RAP1GAP2: variants seen among roughly 807,000 people sequenced by gnomAD.
RAP1GAP2 encodes the protein rap1 GTPase-activating protein 2.
A neutral mutation model predicts 95.0 loss-of-function variants in RAP1GAP2; 27 were observed. The ratio of observed to expected loss-of-function variants is 0.28; its 90% CI spans 0.21 to 0.39. The LOEUF is 0.39. Among genes scored for constraint, RAP1GAP2 ranks in the 10% least tolerant of loss-of-function variants. The pLI is 1.00. For synonymous variants in RAP1GAP2, 373 were observed against 380.9 expected (o/e 0.98, Z 0.24); for missense variants, 771 against 970.0 (o/e 0.79, Z 2.72).
chr17:2,822,041 G>C (rs939383167), intron 2 of RAP1GAP2, among the ~76,000 whole-genome samples: 2 of 152,140 alleles, frequency 1.3e-5, no homozygotes, highest in African/African-American at 4.8e-5. Context: ...CGGCAAGCTG[G>C]TGTCTGGGGC....
intron 2 of RAP1GAP2, among the ~76,000 whole-genome samples, chr17:2,895,708 C>G (rs2041798375): frequency 6.6e-6 from 1 of 152,090 alleles, no homozygotes; most frequent in South Asian, 2.1e-4. Flanking sequence ...TCCCGAGTAG[C>G]TGGGATTACA....
intron 1 of RAP1GAP2, among the ~76,000 whole-genome samples, chr17:2,785,943 C>T (rs1282009054): frequency 6.8e-6 from 1 of 146,394 alleles, no homozygotes; most frequent in East Asian, 2.0e-4. Context: ...CTCTTGTTGC[C>T]CAGGCTGGAG....
upstream of RAP1GAP2, among the ~76,000 whole-genome samples, chr17:2,773,302 C>G (rs1443187422): frequency 6.6e-6 from 1 of 152,188 alleles, no homozygotes. Flanking sequence ...TCCCTAAGAA[C>G]TCACCCTACT....
At position 3,005,448 on chromosome 17, in the gene RAP1GAP2, A is replaced by T; in HGVS notation, c.1272+8A>T. On this transcript the variant is annotated splice_region_variant and intron_variant, in intron 15 of 24. Transcript: ENST00000254695. This position sits in a 1 kb window ranked among gnomAD's most constrained non-coding sequence, Gnocchi z 5.2. ...CCCCCCGTTTTCCAGAAGGTAGGAC[A>T]CTCTTCCTTCTGCCCCTCTCGCATC... 1 of 1,608,656 alleles carries T rather than the reference A, an allele frequency of 6.2e-7. No homozygotes were observed. The highest frequency in any genetic ancestry group is 8.5e-7 in the Non-Finnish European group (1 of 1,175,294).
chr17:2,773,444 CAG>C (rs1474021832), upstream of RAP1GAP2, among the ~76,000 whole-genome samples: 1 of 152,140 alleles, frequency 6.6e-6, no homozygotes, highest in Non-Finnish European at 1.5e-5. Flanking sequence ...GCAGATGACA[CAG>C]AGCCACATGG....
intron 14 of RAP1GAP2, among the ~76,000 whole-genome samples, chr17:2,999,133 C>T (rs17835203): frequency 0.1 from 15,739 of 152,174 alleles, 1,057 homozygotes; most frequent in Non-Finnish European, 0.15. Flanking sequence ...AAATCCTCAC[C>T]GGTGCAGATG....
rs914540703 is a variant in RAP1GAP2, at chr17:2,870,177, G to A, written c.81-35107G>A. ...CTGTCACCCGGGCTGGAATGCAATG[G>A]TGCAATCTCGGCTCACTGTAACCTC... is the stretch of plus-strand genomic sequence containing the variant. On this transcript the variant is annotated intron_variant, in intron 2 of 24. Coordinates refer to ENST00000254695, the MANE Select transcript of RAP1GAP2 (RefSeq NM_015085.5). The surrounding 1 kb of genome is among the most constrained non-coding windows in gnomAD (Gnocchi z 4.4). Among the ~76,000 whole-genome samples, 3 of 151,552 alleles carry A rather than the reference G, an allele frequency of 2.0e-5. No individual in the cohort carries two copies. Among genetic ancestry groups the A allele is most frequent in the African/African-American group, 7.3e-5 (3 of 41,190 alleles).
At position 2,813,266 on chromosome 17, in the gene RAP1GAP2, G is replaced by A. The variant is rs182575009; in HGVS notation, c.80+12716G>A. 1.6e-4 allele frequency among the ~76,000 whole-genome samples: 25 copies of A among 152,172 alleles called. 1 individual carries two copies. In the East Asian group the frequency reaches 4.1e-3, roughly 25 times the overall value. On this transcript the variant is annotated intron_variant, in intron 2 of 24. Coordinates refer to ENST00000254695, the MANE Select transcript of RAP1GAP2 (RefSeq NM_015085.5). ...GTTTTGTATCTTTAGTAGAGATGGG[G>A]TTTAGTAGCCATGTTGGCCAGGCTG...
intron 17 of RAP1GAP2, among the ~76,000 whole-genome samples, chr17:3,012,799 G>A (rs867516012): frequency 3.3e-5 from 5 of 152,212 alleles, no homozygotes; most frequent in Middle Eastern, 3.4e-3. Flanking sequence ...CGATGAAAGA[G>A]CTGTACGTTA....
At chr17:2,980,592 G>A (rs187213394) in intron 9 of RAP1GAP2, among the ~76,000 whole-genome samples, 6 of 152,318 alleles carry the variant, frequency 3.9e-5, no homozygotes, top group Admixed American at 2.0e-4. Flanking sequence ...AGGCTGCTTA[G>A]GAACAGTATC....
chr17:2,975,755 G>A (rs903216144), intron 8 of RAP1GAP2, among the ~76,000 whole-genome samples: 9 of 152,352 alleles, frequency 5.9e-5, no homozygotes, highest in Non-Finnish European at 1.2e-4. Context: ...CCCCTGGCCC[G>A]CACTGCCTGT....
At chr17:2,953,069 G>C (rs1384073080) in intron 3 of RAP1GAP2, among the ~76,000 whole-genome samples, 1 of 151,994 alleles carries the variant, frequency 6.6e-6, no homozygotes, top group Non-Finnish European at 1.5e-5. Flanking sequence ...GCCTCCTAAA[G>C]TGCTGGGATT....
At chr17:2,997,781 G>A (rs1039551215) in intron 13 of RAP1GAP2, among the ~76,000 whole-genome samples, 2 of 151,942 alleles carry the variant, frequency 1.3e-5, no homozygotes, top group Non-Finnish European at 1.5e-5. Context: ...GAAATTAGTG[G>A]GTGTAGTGTC....
rs376951716 is a variant in RAP1GAP2, at chr17:2,903,428, G to A, written c.81-1856G>A. ...GCCTACGGTGGTAATGTCCAAGGCC[G>A]TACATAGAAGGAGGCTGGCAGCTCT... On this transcript the variant is annotated intron_variant, in intron 2 of 24. Transcript: ENST00000254695. The surrounding 1 kb of genome is among the most constrained non-coding windows in gnomAD (Gnocchi z 4.1). 3.3e-5 allele frequency among the ~76,000 whole-genome samples: 5 copies of A among 152,144 alleles called. No homozygotes were observed. The East Asian group carries it at 5.8e-4, about 18-fold the overall frequency.
intron 2 of RAP1GAP2, among the ~76,000 whole-genome samples, chr17:2,828,949 G>A (rs77431087): frequency 2.7e-5 from 4 of 150,358 alleles, no homozygotes; most frequent in East Asian, 2.0e-4. Context: ...TGCTCCCTGG[G>A]GGGGCAGGTT....
chr17:2,826,242 G>A (rs756361658), intron 2 of RAP1GAP2, among the ~76,000 whole-genome samples: 1 of 141,990 alleles, frequency 7.0e-6, no homozygotes, highest in East Asian at 2.1e-4. Context: ...TGATCTCCCC[G>A]CCTCGGCCTC....
chr17:2,877,135 C>T (rs1166332899), intron 2 of RAP1GAP2, among the ~76,000 whole-genome samples: 19 of 151,900 alleles, frequency 1.3e-4, no homozygotes, highest in African/African-American at 3.6e-4. Flanking sequence ...GTGATGCACC[C>T]GCCTCAGCCT....
intron 3 of RAP1GAP2, among the ~76,000 whole-genome samples, chr17:2,923,521 A>G (rs1449772642): frequency 6.7e-6 from 1 of 150,306 alleles, no homozygotes; most frequent in Non-Finnish European, 1.5e-5. Flanking sequence ...TTTAGTAGAG[A>G]CAGGGTTTCA....
chr17:2,899,643 T>A (rs991147220), intron 2 of RAP1GAP2, among the ~76,000 whole-genome samples: 30 of 152,150 alleles, frequency 2.0e-4, no homozygotes, highest in Non-Finnish European at 4.1e-4. Context: ...CCTTAGTAGC[T>A]GGGACTACAG....
Sources: allele counts gnomAD v4.1 joint callset (sites outside exome capture counted in the v4.1 genomes callset), GRCh38; gene constraint gnomAD v4.1.1; non-coding constraint Gnocchi (gnomAD v3.1); transcripts MANE v1.5; gene names NCBI Gene and HGNC (gene_info 2026-07-23, HGNC 2026-07-21).